The following VASH2 variants were observed in gnomAD, a reference collection of about 807,000 sequenced individuals.
The protein encoded by VASH2 is tubulinyl-Tyr carboxypeptidase 2.
In VASH2, 28 loss-of-function variants were observed where a neutral mutation model predicts 37.2. That is an observed-to-expected ratio of 0.75 (90% CI 0.56 to 1.03). The LOEUF (loss-of-function observed/expected upper bound fraction) is 1.03, where lower values mean the gene tolerates loss of function less well. VASH2 is among the 50% of genes least tolerant of loss of function. The pLI is 0.00. For missense variants in VASH2, 419 were observed against 459.1 expected (o/e 0.91, Z 0.80); for synonymous variants, 188 against 174.7 (o/e 1.08, Z -0.60).
intron 3 of VASH2, among the ~76,000 whole-genome samples, chr1:212,962,146 T>C (rs1666699995): frequency 6.6e-6 from 1 of 152,218 alleles, no homozygotes; most frequent in South Asian, 2.1e-4. Context: ...CAGTCTGAGT[T>C]CAGACCAGCT....
Position 212,950,861 on chromosome 1 carries a change from C to G in VASH2, c.-205+121C>G, listed in dbSNP as rs951460503. ...GCGGATGGAGCTCTTTCCACTAGAT[C>G]CCCGCCGGGGTCCGGGAGGGCTTCC... is the stretch of plus-strand genomic sequence containing the variant. On this transcript the variant is annotated intron_variant, in intron 1 of 7. Coordinates refer to ENST00000517399, the MANE Select transcript of VASH2 (RefSeq NM_001301056.2). The surrounding 1 kb of genome is among the most constrained non-coding windows in gnomAD (Gnocchi z 5.5). 3.9e-5 allele frequency: 6 copies of G among 152,412 alleles called. No homozygotes were observed. The highest frequency in any genetic ancestry group is 7.3e-5 in the Non-Finnish European group (5 of 68,114). The allele number at this position is 152,412 out of a possible 1,614,324, so 9.4% of individuals were successfully genotyped here.
chr1:212,968,648 G>T, intron 5 of VASH2: 1 of 985,614 alleles, frequency 1.0e-6, no homozygotes, highest in Non-Finnish European at 1.2e-6. Context: ...ACATGTGCCT[G>T]GGGAACCCAG....
intron 6 of VASH2, chr1:212,973,608 T>C: frequency 8.1e-7 from 1 of 1,236,684 alleles, no homozygotes; most frequent in Non-Finnish European, 1.0e-6. Context: ...TCTGAGGCAA[T>C]AGAGATGGGA....
intron 7 of VASH2, among the ~76,000 whole-genome samples, chr1:212,975,305 G>C (rs1262268497): frequency 1.3e-5 from 2 of 152,244 alleles, no homozygotes; most frequent in Non-Finnish European, 2.9e-5. Flanking sequence ...CCAGTCCTGG[G>C]TTCAGCAGGT....
intron 3 of VASH2, among the ~76,000 whole-genome samples, chr1:212,965,512 T>C (rs1193354624): frequency 6.6e-6 from 1 of 152,196 alleles, no homozygotes; most frequent in African/African-American, 2.4e-5. Context: ...TAAAGGTCCA[T>C]GGTACTTTGA....
chr1:212,961,382 G>C, intron 3 of VASH2, 128 bp downstream of exon 3: 2 of 1,541,116 alleles, frequency 1.3e-6, no homozygotes, highest in Non-Finnish European at 1.7e-6. Context: ...CAGGCATGGA[G>C]GGATGTCCCG....
chr1:212,965,442 G>C (rs1010689751), intron 3 of VASH2, among the ~76,000 whole-genome samples: 1 of 152,110 alleles, frequency 6.6e-6, no homozygotes, highest in African/African-American at 2.4e-5. Flanking sequence ...TAGTCTAGTA[G>C]GTGAATTAAG....
rs560144793 is a variant in VASH2 at position 212,971,371 on chromosome 1, C to A, written c.498-1209C>A. ...TTGAATTATTTGAGGAATTGCCATACTGATCACATTGTGTGCATTCTGAGT... is the reference window on the plus strand; with the variant it reads ...TTGAATTATTTGAGGAATTGCCATAATGATCACATTGTGTGCATTCTGAGT... On this transcript the variant is annotated intron_variant, in intron 5 of 7. Transcript: ENST00000517399. This position sits in a 1 kb window ranked among gnomAD's most constrained non-coding sequence, Gnocchi z 4.0. Among the ~76,000 whole-genome samples, 1 of 152,338 alleles carries A rather than the reference C, an allele frequency of 6.6e-6. No individual in the cohort carries two copies. The highest frequency in any genetic ancestry group is 1.5e-5 in the Non-Finnish European group (1 of 68,036).
chr1:212,984,411 C>T (rs960493901), intron 7 of VASH2, among the ~76,000 whole-genome samples: 10 of 152,202 alleles, frequency 6.6e-5, no homozygotes, highest in Admixed American at 4.6e-4. Context: ...CAGGGATGAG[C>T]GGGTGGGCTT....
intron 5 of VASH2, chr1:212,968,867 T>C (rs1666924285): frequency 2.1e-5 from 21 of 985,446 alleles, no homozygotes; most frequent in Non-Finnish European, 2.5e-5. Context: ...TCAGACTCTT[T>C]GTTGAGGGGT....
chr1:212,959,931 T>C (rs1666621007), intron 2 of VASH2, among the ~76,000 whole-genome samples: 1 of 152,184 alleles, frequency 6.6e-6, no homozygotes, highest in African/African-American at 2.4e-5. Flanking sequence ...GCCTCCTTTC[T>C]CCTTCCCAGC....
intron 5 of VASH2, chr1:212,967,014 A>T: frequency 1.1e-6 from 1 of 950,040 alleles, no homozygotes; most frequent in Non-Finnish European, 1.5e-6. Flanking sequence ...CAAAGTGTTG[A>T]GATTAGAGGC....
intron 3 of VASH2, among the ~76,000 whole-genome samples, chr1:212,961,927 C>T (rs1008737807): frequency 1.3e-5 from 2 of 152,186 alleles, no homozygotes; most frequent in African/African-American, 4.8e-5. Flanking sequence ...TTCTTCCCTC[C>T]TACTCTTCCA....
chr1:212,959,667 A>C (rs1477047140), intron 2 of VASH2, among the ~76,000 whole-genome samples: 3 of 152,252 alleles, frequency 2.0e-5, no homozygotes, highest in Non-Finnish European at 2.9e-5. Flanking sequence ...GGCGGGGGGC[A>C]GCGTGCCCTC....
At chr1:212,958,881 TTTTC>T (rs142734232) in intron 2 of VASH2, among the ~76,000 whole-genome samples, 2,884 of 151,854 alleles carry the variant, frequency 0.019, 42 homozygotes, top group East Asian at 0.039. Flanking sequence ...GCTCGGCTAA[TTTTC>T]TTTCTTTCTT....
At position 212,972,811 on chromosome 1, in the gene VASH2, CAAG is replaced by C. The variant is rs777455331; in HGVS notation, c.733_735del (p.Lys245del). On this transcript the variant is annotated inframe_deletion, in exon 6 of 8. Transcript: ENST00000517399. Reference sequence around the variant, plus strand: ...CTTACAAGAAATACCTGCACACAGTCAAGAAGGTCAAGATTGGGCTGTACGTCC... The same window carrying C: ...CTTACAAGAAATACCTGCACACAGTCAAGGTCAAGATTGGGCTGTACGTCC... The C allele has an allele frequency of 1.2e-6, 2 of 1,614,210 alleles. No individual in the cohort carries two copies. Among genetic ancestry groups the C allele is most frequent in the Non-Finnish European group, 1.7e-6 (2 of 1,180,046 alleles).
At chr1:212,965,653 A>G in intron 3 of VASH2, 69 bp from the exon 4 acceptor site, 1 of 1,388,930 alleles carries the variant, frequency 7.2e-7, no homozygotes, top group Non-Finnish European at 1.0e-6. Context: ...CAGAATGCAT[A>G]GCTTTCTCTG....
chr1:212,958,445 G>A (rs906283159), intron 2 of VASH2, among the ~76,000 whole-genome samples: 46 of 152,160 alleles, frequency 3.0e-4, no homozygotes, highest in African/African-American at 1.0e-3. Flanking sequence ...GGGCGCCATC[G>A]GGTTGCTATT....
At position 212,988,763 on chromosome 1, in the gene VASH2, G is replaced by C. The variant is rs367591676; in HGVS notation, c.*179G>C. 4 of 669,644 alleles carry C rather than the reference G, an allele frequency of 6.0e-6. No individual in the cohort carries two copies. Among genetic ancestry groups the C allele is most frequent in the South Asian group, 1.9e-5 (1 of 53,502 alleles). 41.5% of individuals were successfully genotyped at this position (669,644 alleles called of 1,614,324 possible). A position where few individuals can be genotyped will look rare whatever the true frequency, so the allele number is the denominator to read the frequency against. On this transcript the variant is annotated 3_prime_UTR_variant, in exon 8 of 8. Coordinates refer to ENST00000517399, the MANE Select transcript of VASH2 (RefSeq NM_001301056.2). ...TTAGCTTTAAAAAATTCACTAAAAG[G>C]CACCATGAAAAGGCTGAAGTAATAA...
Sources: allele counts gnomAD v4.1 joint callset (sites outside exome capture counted in the v4.1 genomes callset), GRCh38; gene constraint gnomAD v4.1.1; non-coding constraint Gnocchi (gnomAD v3.1); transcripts MANE v1.5; gene names NCBI Gene and HGNC (gene_info 2026-07-23, HGNC 2026-07-21).